Variants in SPTBN1 observed in about 807,000 individuals in gnomAD.
SPTBN1 encodes the protein spectrin beta chain, non-erythrocytic 1.
In SPTBN1, 32 loss-of-function variants were observed where a neutral mutation model predicts 266.4. The ratio of observed to expected loss-of-function variants is 0.12; its 90% CI spans 0.09 to 0.16. SPTBN1 has a LOEUF of 0.16. SPTBN1 is among the 10% of genes least tolerant of loss of function. The pLI is 1.00. For missense variants in SPTBN1, 2,296 were observed against 3,067.1 expected (o/e 0.75, Z 5.94); for synonymous variants, 1,336 against 1,162.2 (o/e 1.15, Z -3.04).
In SPTBN1 at chr2:54,632,596, A is replaced by C. The variant is rs1374840298; in HGVS notation, c.3595A>C (p.Thr1199Pro). The C allele has an allele frequency of 6.2e-7, 1 of 1,614,234 alleles. No homozygotes were observed. The highest frequency in any genetic ancestry group is 1.7e-5 in the Admixed American group (1 of 60,030). The change falls in exon 17 of 36, where the codon ACC becomes CCC. Residue 1199 changes from threonine (T) to proline (P), a missense_variant. Transcript: ENST00000356805. ...EYVLAHTEMPTTLEGAEAAIK... is the reference protein window; with the variant it reads ...EYVLAHTEMPPTLEGAEAAIK... ...TGTTCTGGCTCACACTGAAATGCCT[A>C]CCACCTTGGAAGGAGCTGAAGCAGC...
chr2:54,505,367 A>C (rs1669498256), intron 1 of SPTBN1, among the ~76,000 whole-genome samples: 1 of 152,228 alleles, frequency 6.6e-6, no homozygotes, highest in African/African-American at 2.4e-5. Context: ...GTCATTTAAC[A>C]GGTCATTATT....
chr2:54,655,917 A>C lies in SPTBN1; in HGVS notation c.5965A>C (p.Lys1989Gln). The C allele has an allele frequency of 1.2e-6, 2 of 1,612,436 alleles. No individual in the cohort carries two copies. The highest frequency in any genetic ancestry group is 1.7e-6 in the Non-Finnish European group (2 of 1,178,814). The change falls in exon 29 of 36, where the codon AAG becomes CAG. Residue 1989 changes from lysine to glutamine, a missense_variant. This residue lies in a region of SPTBN1 where 644 missense variants were observed against 745.3 expected (regional missense o/e 0.86). Coordinates refer to ENST00000356805, the MANE Select transcript of SPTBN1 (RefSeq NM_003128.3). Reference protein sequence around the residue: ...ARKHYASEEIKEKLLQLTEKR... With the variant: ...ARKHYASEEIQEKLLQLTEKR... ...GGGGATCCTCTTTTTCATACAGATC[A>C]AGGAAAAATTACTGCAGTTGACGGA... is the stretch of plus-strand genomic sequence containing the variant.
intron 3 of SPTBN1, among the ~76,000 whole-genome samples, chr2:54,603,241 C>T (rs1257149087): frequency 6.6e-6 from 1 of 150,398 alleles, no homozygotes; most frequent in East Asian, 2.0e-4. Context: ...TGTGAAAGCT[C>T]ATAGTTTGGA....
chr2:54,583,854 C>T (rs1190646109), intron 2 of SPTBN1, among the ~76,000 whole-genome samples: 1 of 152,158 alleles, frequency 6.6e-6, no homozygotes, highest in Admixed American at 6.5e-5. Context: ...CCAGACCCAT[C>T]GGGTGAACCT....
chr2:54,509,547 T>A (rs1310894811), intron 1 of SPTBN1, among the ~76,000 whole-genome samples: 1 of 152,254 alleles, frequency 6.6e-6, no homozygotes, highest in Non-Finnish European at 1.5e-5. Flanking sequence ...GTTGTTGATC[T>A]GGTTCTCATT....
At chr2:54,502,352 C>T (rs1669319811) in intron 1 of SPTBN1, among the ~76,000 whole-genome samples, 1 of 152,164 alleles carries the variant, frequency 6.6e-6, no homozygotes, top group Non-Finnish European at 1.5e-5. Flanking sequence ...GTGGGGATGG[C>T]AGGCTGTCAG....
At chr2:54,661,919 A>T (rs762572333) in intron 32 of SPTBN1, 498 of 985,306 alleles carry the variant, frequency 5.1e-4, no homozygotes, top group Non-Finnish European at 5.7e-4. Flanking sequence ...GTAGCTTGTC[A>T]TAACAAAATT....
chr2:54,517,113 A>G (rs1670152151), intron 1 of SPTBN1, among the ~76,000 whole-genome samples: 1 of 105,164 alleles, frequency 9.5e-6, no homozygotes, highest in Admixed American at 9.2e-5. Context: ...GTCTGAGTTG[A>G]TGTTAATGCT....
chr2:54,506,816 G>GGGCC, intron 1 of SPTBN1, among the ~76,000 whole-genome samples: 1 of 151,958 alleles, frequency 6.6e-6, no homozygotes. Context: ...TAGAACAGGA[G>GGGCC]AGGCCCTGGG....
chr2:54,589,755 G>T (rs901261529), intron 2 of SPTBN1, among the ~76,000 whole-genome samples: 2 of 152,134 alleles, frequency 1.3e-5, no homozygotes, highest in South Asian at 4.1e-4. Flanking sequence ...TGGATTCTCT[G>T]TTATCAATAC....
At chr2:54,550,656 G>A (rs1463275338) in intron 2 of SPTBN1, among the ~76,000 whole-genome samples, 6 of 151,320 alleles carry the variant, frequency 4.0e-5, no homozygotes, top group African/African-American at 1.5e-4. Flanking sequence ...GTAGAGAAAT[G>A]TAGTTGTTGC....
intron 2 of SPTBN1, among the ~76,000 whole-genome samples, chr2:54,557,083 C>G (rs1233901846): frequency 6.6e-6 from 1 of 152,178 alleles, no homozygotes; most frequent in Non-Finnish European, 1.5e-5. Flanking sequence ...GCCTGGCTTT[C>G]AAAAGCCAAA....
chr2:54,521,380 C>A (rs1053904779), intron 1 of SPTBN1, among the ~76,000 whole-genome samples: 15 of 152,200 alleles, frequency 9.9e-5, no homozygotes, highest in Non-Finnish European at 2.9e-5. Flanking sequence ...ATAGTGGGTT[C>A]TATCACTGTA....
At chr2:54,457,658 C>A (rs562697679) in intron 1 of SPTBN1, among the ~76,000 whole-genome samples, 1 of 152,186 alleles carries the variant, frequency 6.6e-6, no homozygotes, top group African/African-American at 2.4e-5. Context: ...TTCTCGCTGG[C>A]GGGGCTTGGC....
At chr2:54,636,218 A>G (rs945230185) in intron 17 of SPTBN1, among the ~76,000 whole-genome samples, 2 of 152,304 alleles carry the variant, frequency 1.3e-5, no homozygotes, top group African/African-American at 4.8e-5. Context: ...TATGTGGTAT[A>G]AGCATATTAA....
intron 2 of SPTBN1, among the ~76,000 whole-genome samples, chr2:54,571,560 C>CACACAT (rs1401579889): frequency 4.1e-5 from 3 of 72,998 alleles, no homozygotes; most frequent in African/African-American, 1.7e-4. Flanking sequence ...CACACACACA[C>CACACAT]ACACACACAC....
At chr2:54,526,708 AC>A in intron 2 of SPTBN1, 142 bp downstream of exon 2, 2 of 1,032,384 alleles carry the variant, frequency 1.9e-6, no homozygotes, top group Non-Finnish European at 2.6e-6. Context: ...GAGCCAGCTG[AC>A]CATTTTATAA....
At chr2:54,497,242 TAAAAG>T (rs963011816) in intron 1 of SPTBN1, among the ~76,000 whole-genome samples, 1 of 152,254 alleles carries the variant, frequency 6.6e-6, no homozygotes, top group African/African-American at 2.4e-5. Flanking sequence ...ATGCCTGGCT[TAAAAG>T]AAGAGAAGGA....
At chr2:54,593,525 C>A (rs529929765) in intron 2 of SPTBN1, among the ~76,000 whole-genome samples, 5 of 152,144 alleles carry the variant, frequency 3.3e-5, no homozygotes, top group Non-Finnish European at 7.4e-5. Context: ...AGGTGGGGTC[C>A]TCAGGTGTGA....
Sources: gnomAD v4.1 joint callset for allele counts (sites outside exome capture counted in the v4.1 genomes callset) on GRCh38, gnomAD v4.1.1 for gene constraint, gnomAD v4.1.1 regional missense constraint, MANE v1.5 for transcripts, NCBI Gene and HGNC (gene_info 2026-07-23, HGNC 2026-07-21) for gene names.